The following NCBP2L variants were observed in gnomAD, a reference collection of about 807,000 sequenced individuals.
NCBP2L encodes the protein nuclear cap binding protein subunit 2 like.
For synonymous variants in NCBP2L, 39 were observed against 19.2 expected (o/e 2.04, Z -2.70); for missense variants, 95 against 53.1 (o/e 1.79, Z -2.45).
chrX:107,794,511 G>T lies in NCBP2L; in HGVS notation c.291G>T (p.Arg97=), dbSNP rs763732919. ...GAGCTGATGCTGAAAATGCCATGCG[G>T]TTTCTAACTGGGACCTGCCTAGATG... ...HNRADAENAM[R]FLTGTCLDEW... is the part of the protein sequence containing the mutation. The change falls in exon 2 of 2, where the codon CGG becomes CGT. Residue 97 remains arginine (R), a synonymous_variant. Transcript: ENST00000509000. 7.0e-6 allele frequency: 4 copies of T among 568,480 alleles called. No homozygotes were observed. The highest frequency in any genetic ancestry group is 6.7e-5 in the African/African-American group (3 of 44,765). The allele number at this position is 568,480 out of a possible 1,213,427, so 46.8% of individuals were successfully genotyped here. A position where few individuals can be genotyped will look rare whatever the true frequency, so the allele number is the denominator to read the frequency against.
chrX:107,788,420 G>A (rs974336061), intron 1 of NCBP2L, among the ~76,000 whole-genome samples: 3 of 112,312 alleles, frequency 2.7e-5, no homozygotes, highest in African/African-American at 9.7e-5. Context: ...AGCAGAAATA[G>A]CACTTTCAAT....
intron 1 of NCBP2L, among the ~76,000 whole-genome samples, chrX:107,791,610 A>G (rs1348880702): frequency 8.9e-6 from 1 of 112,404 alleles, no homozygotes; most frequent in Non-Finnish European, 1.9e-5. Context: ...ATCATGTAAG[A>G]CTGCCCAGAT....
chrX:107,784,483 T>C (rs1192580135), intron 1 of NCBP2L, among the ~76,000 whole-genome samples: 1 of 110,532 alleles, frequency 9.0e-6, no homozygotes, highest in East Asian at 2.8e-4. Flanking sequence ...TACATATTTA[T>C]ATATGTAATA....
chrX:107,781,833 G>GAT (rs1323062497), intron 1 of NCBP2L, among the ~76,000 whole-genome samples: 1 of 35,578 alleles, frequency 2.8e-5, no homozygotes, highest in Non-Finnish European at 5.9e-5. Context: ...TATATAGAGA[G>GAT]ATATATATAT....
In NCBP2L at chrX:107,794,596, G is replaced by T. The variant is rs5962886; in HGVS notation, c.376G>T (p.Gly126Cys). The T allele has an allele frequency of 3.5e-6, 2 of 569,373 alleles. No homozygotes were observed. The highest frequency in any genetic ancestry group is 2.2e-5 in the South Asian group (1 of 44,931). 46.9% of individuals were successfully genotyped at this position (569,373 alleles called of 1,213,427 possible). Residue 126 changes from glycine (G) to cysteine (C), a missense_variant, in exon 2 of 2, where the codon GGT (glycine) becomes TGT (cysteine). Gly to Cys is a radical substitution (Grantham distance 159). Transcript: ENST00000509000. ...GFREGQQYGR[G>C]KSGGQVRDEF... is the part of the protein sequence containing the mutation. ...TAGAGAGGGTCAACAGTATGGTCGC[G>T]GTAAATCTGGGGGTCAGGTAAGGGA...
intron 1 of NCBP2L, among the ~76,000 whole-genome samples, chrX:107,785,409 G>A (rs1039049735): frequency 9.0e-6 from 1 of 111,407 alleles, no homozygotes; most frequent in African/African-American, 3.3e-5. Flanking sequence ...CCTATTTTCC[G>A]TAGCTAGTGC....
intron 1 of NCBP2L, among the ~76,000 whole-genome samples, chrX:107,782,208 TAA>T (rs1390919667): frequency 5.8e-5 from 1 of 17,323 alleles, no homozygotes; most frequent in African/African-American, 3.1e-4. Context: ...TATATATATA[TAA>T]ATATATATAT....
chrX:107,779,990 C>T lies in NCBP2L; in HGVS notation c.-73+2132C>T, dbSNP rs1015206951. On this transcript the variant is annotated intron_variant, in intron 1 of 1. Transcript: ENST00000509000. Reference sequence around the variant, plus strand: ...TGATCTCCTGACCTCGTGATCCGCCCGTCTCGGCCTCCCAAAGTGCTGGGA... The same window carrying T: ...TGATCTCCTGACCTCGTGATCCGCCTGTCTCGGCCTCCCAAAGTGCTGGGA... 4.6e-5 allele frequency among the ~76,000 whole-genome samples: 5 copies of T among 108,597 alleles called. No homozygotes were observed. In the East Asian group the frequency reaches 1.2e-3, roughly 26 times the overall value. The allele number at this position is 108,597 out of a possible 115,157, so 94.3% of individuals were successfully genotyped here.
At position 107,794,854 on chromosome X, in the gene NCBP2L, T is replaced by A; in HGVS notation, c.*172T>A. 2.6e-6 allele frequency: 1 copy of A among 382,581 alleles called. No individual in the cohort carries two copies. The highest frequency in any genetic ancestry group is 4.6e-6 in the Non-Finnish European group (1 of 217,216). The allele number at this position is 382,581 out of a possible 1,213,427, so 31.5% of individuals were successfully genotyped here. A position where few individuals can be genotyped will look rare whatever the true frequency, so the allele number is the denominator to read the frequency against. ...AACAAAAAAAATCCATTTGTTTTTG[T>A]CTGAATTTTGAAGATGCTTTTCAGA... On this transcript the variant is annotated 3_prime_UTR_variant, in exon 2 of 2. Transcript: ENST00000509000.
In NCBP2L at chrX:107,785,719, A is replaced by T. The variant is rs144238881; in HGVS notation, c.-73+7861A>T. 8.8e-3 allele frequency among the ~76,000 whole-genome samples: 981 copies of T among 111,293 alleles called. 12 individuals carry two copies. The highest frequency in any genetic ancestry group is 0.03 in the African/African-American group (919 of 30,581). ...GGAAAAACTGTGTTGTATATTCCTG[A>T]TGCCTTGATCTCCCTGGGAAGACGG... On this transcript the variant is annotated intron_variant, in intron 1 of 1. Coordinates refer to ENST00000509000, the MANE Select transcript of NCBP2L (RefSeq NM_001348372.2).
chrX:107,786,184 A>T (rs971661094), intron 1 of NCBP2L, among the ~76,000 whole-genome samples: 5 of 109,842 alleles, frequency 4.6e-5, no homozygotes, highest in Admixed American at 3.0e-4. Context: ...CTTTGTGACC[A>T]CTCCATATAT....
intron 1 of NCBP2L, among the ~76,000 whole-genome samples, chrX:107,791,219 T>A (rs1020464885): frequency 8.1e-5 from 9 of 111,408 alleles, no homozygotes; most frequent in African/African-American, 2.9e-4. Flanking sequence ...TTGCCACGTG[T>A]TGAGCTTGAA....
chrX:107,785,062 A>AAAGG (rs759777428), intron 1 of NCBP2L, among the ~76,000 whole-genome samples: 37 of 109,093 alleles, frequency 3.4e-4, no homozygotes, highest in Non-Finnish European at 4.2e-4. Flanking sequence ...GGAAAGAAAG[A>AAAGG]AAGGAAGGAA....
intron 1 of NCBP2L, among the ~76,000 whole-genome samples, chrX:107,791,615 C>G (rs1456069081): frequency 8.9e-6 from 1 of 112,191 alleles, no homozygotes; most frequent in Admixed American, 9.4e-5. Flanking sequence ...GTAAGACTGC[C>G]CAGATCATTT....
chrX:107,781,706 A>ATATC (rs1930283780), intron 1 of NCBP2L, among the ~76,000 whole-genome samples: 1 of 79,397 alleles, frequency 1.3e-5, no homozygotes, highest in East Asian at 3.2e-4. Flanking sequence ...ATATATATAT[A>ATATC]TATAGATCTA....
chrX:107,791,363 GC>G (rs1930449958), intron 1 of NCBP2L, among the ~76,000 whole-genome samples: 1 of 110,707 alleles, frequency 9.0e-6, no homozygotes. Context: ...TCCTACCTCA[GC>G]CTTCCAAGTA....
chrX:107,794,824 G>T lies in NCBP2L; in HGVS notation c.*142G>T. The T allele has an allele frequency of 2.5e-6, 1 of 395,570 alleles. No individual in the cohort carries two copies. The allele number at this position is 395,570 out of a possible 1,213,427, so 32.6% of individuals were successfully genotyped here. A position where few individuals can be genotyped will look rare whatever the true frequency, so the allele number is the denominator to read the frequency against. ...TTTTTCTCTGAAAATTTGTTAAATA[G>T]CAGAAACAAAAAAAATCCATTTGTT... is the stretch of plus-strand genomic sequence containing the variant. On this transcript the variant is annotated 3_prime_UTR_variant, in exon 2 of 2. Transcript: ENST00000509000.
intron 1 of NCBP2L, among the ~76,000 whole-genome samples, chrX:107,782,262 A>AAT (rs553487734): frequency 7.2e-5 from 1 of 13,806 alleles, no homozygotes; most frequent in Non-Finnish European, 9.2e-5. Context: ...TATATATATA[A>AAT]ATATATATAT....
chrX:107,782,230 TATATAA>T (rs1930312061), intron 1 of NCBP2L, among the ~76,000 whole-genome samples: 2 of 20,136 alleles, frequency 9.9e-5, no homozygotes, highest in East Asian at 2.0e-3. Flanking sequence ...TAAATATATA[TATATAA>T]ATATATATAT....
Sources: allele counts gnomAD v4.1 joint callset (sites outside exome capture counted in the v4.1 genomes callset), GRCh38; gene constraint gnomAD v4.1.1; transcripts MANE v1.5; gene names NCBI Gene and HGNC (gene_info 2026-07-23, HGNC 2026-07-21).